RIMS2: variants seen among roughly 807,000 people sequenced by gnomAD.
The protein encoded by RIMS2 is regulating synaptic membrane exocytosis 2.
In RIMS2, 59 loss-of-function variants were observed where a neutral mutation model predicts 174.4. That is an observed-to-expected ratio of 0.34 (90% CI 0.27 to 0.42). The LOEUF is 0.42. RIMS2 is among the 10% of genes least tolerant of loss of function. RIMS2 has a pLI of 1.00. For missense variants in RIMS2, 1,620 were observed against 1,666.3 expected, an observed-to-expected ratio of 0.97 and a Z score of 0.48; for synonymous variants, 606 against 572.5, an observed-to-expected ratio of 1.06 and a Z score of -0.84.
At chr8:103,829,768 C>T (rs911842055) in intron 3 of RIMS2, among the ~76,000 whole-genome samples, 2 of 150,756 alleles carry the variant, frequency 1.3e-5, no homozygotes, top group African/African-American at 4.8e-5. Flanking sequence ...ATGCTCATTA[C>T]ATGGGTGATG....
At chr8:103,995,871 A>G (rs2095060113) in intron 17 of RIMS2, among the ~76,000 whole-genome samples, 2 of 151,964 alleles carry the variant, frequency 1.3e-5, no homozygotes, top group African/African-American at 4.8e-5. Context: ...GAAAAGGTAA[A>G]GGAGAGAAAT....
At chr8:103,992,658 A>T (rs1187338234) in intron 17 of RIMS2, among the ~76,000 whole-genome samples, 1 of 152,174 alleles carries the variant, frequency 6.6e-6, no homozygotes, top group East Asian at 1.9e-4. Context: ...TAGGTAATGT[A>T]AAAATAATTT....
intron 2 of RIMS2, among the ~76,000 whole-genome samples, chr8:103,736,465 A>G (rs1290428849): frequency 6.6e-6 from 1 of 152,194 alleles, no homozygotes; most frequent in African/African-American, 2.4e-5. Context: ...ATTATGAGAA[A>G]TGACTTATTC....
chr8:103,612,368 A>G (rs977475921), intron 1 of RIMS2, among the ~76,000 whole-genome samples: 16 of 152,248 alleles, frequency 1.1e-4, no homozygotes, highest in African/African-American at 3.9e-4. Context: ...GTCTCTGGGC[A>G]TTGAAGAGTT....
intron 3 of RIMS2, among the ~76,000 whole-genome samples, chr8:103,838,711 A>G (rs2154484987): frequency 6.6e-6 from 1 of 152,264 alleles, no homozygotes; most frequent in East Asian, 1.9e-4. Context: ...TTCTACTGTT[A>G]ATCATGTGCA....
intron 19 of RIMS2, among the ~76,000 whole-genome samples, chr8:104,241,496 C>G (rs1466573304): frequency 6.6e-6 from 1 of 152,152 alleles, no homozygotes; most frequent in Non-Finnish European, 1.5e-5. Flanking sequence ...ATGATAGAGT[C>G]AGACCTTAAA....
intron 3 of RIMS2, among the ~76,000 whole-genome samples, chr8:103,863,902 T>G (rs1369379113): frequency 8.3e-6 from 1 of 120,522 alleles, no homozygotes; most frequent in Non-Finnish European, 1.8e-5. Flanking sequence ...TTTTTTTGTT[T>G]TTTTTGTTTG....
chr8:103,960,812 T>C (rs1009708881), intron 14 of RIMS2, among the ~76,000 whole-genome samples: 4 of 152,182 alleles, frequency 2.6e-5, no homozygotes, highest in Non-Finnish European at 5.9e-5. Context: ...CTTTAAACCA[T>C]TTAGGAACTT....
At chr8:103,689,516 A>C (rs749754785) in intron 1 of RIMS2, among the ~76,000 whole-genome samples, 2 of 152,080 alleles carry the variant, frequency 1.3e-5, no homozygotes, top group Non-Finnish European at 2.9e-5. Flanking sequence ...AATAATATTT[A>C]CTTTCAATAT....
intron 19 of RIMS2, among the ~76,000 whole-genome samples, chr8:104,101,962 TA>T (rs1406158563): frequency 6.6e-6 from 1 of 152,222 alleles, no homozygotes; most frequent in Non-Finnish European, 1.5e-5. Context: ...GAGCTTTCTA[TA>T]TGTCCTCCAT....
At chr8:103,641,677 C>T (rs10095742) in intron 1 of RIMS2, among the ~76,000 whole-genome samples, 1,768 of 152,056 alleles carry the variant, frequency 0.012, 34 homozygotes, top group African/African-American at 0.039. Flanking sequence ...TAATGCCATT[C>T]TTGGGGGTGG....
intron 3 of RIMS2, chr8:103,768,409 A>G (rs1330940721): frequency 5.3e-6 from 4 of 750,714 alleles, no homozygotes; most frequent in Non-Finnish European, 9.9e-6. Flanking sequence ...CTCTGGTTGA[A>G]GAATGGAAGG....
At chr8:104,047,259 T>C (rs2154558345) in intron 19 of RIMS2, among the ~76,000 whole-genome samples, 1 of 152,248 alleles carries the variant, frequency 6.6e-6, no homozygotes, top group South Asian at 2.1e-4. Context: ...AGGATGTTAC[T>C]GCTAAATTAT....
At chr8:103,504,550 C>T (rs1822333237) in intron 1 of RIMS2, among the ~76,000 whole-genome samples, 1 of 151,946 alleles carries the variant, frequency 6.6e-6, no homozygotes, top group African/African-American at 2.4e-5. Flanking sequence ...CATATCATAG[C>T]CTTTCAGATA....
intron 8 of RIMS2, 65 bp downstream of exon 11, chr8:103,916,602 C>T (rs751079002): frequency 2.4e-6 from 3 of 1,242,932 alleles, no homozygotes; most frequent in South Asian, 1.7e-5. Context: ...ATGTAATGTG[C>T]CATTTAATAA....
intron 1 of RIMS2, among the ~76,000 whole-genome samples, chr8:103,605,286 G>A (rs979433977): frequency 3.5e-5 from 5 of 143,828 alleles, no homozygotes; most frequent in East Asian, 2.0e-4. Context: ...GGCTCTGTTT[G>A]TATGCTGGAT....
intron 1 of RIMS2, among the ~76,000 whole-genome samples, chr8:103,629,437 C>T (rs1419400506): frequency 1.3e-5 from 2 of 152,102 alleles, no homozygotes; most frequent in African/African-American, 2.4e-5. Flanking sequence ...TGGGGCAGAC[C>T]AGAAGCATGT....
At chr8:103,761,263 T>G (rs928604803) in intron 2 of RIMS2, among the ~76,000 whole-genome samples, 1 of 152,244 alleles carries the variant, frequency 6.6e-6, no homozygotes, top group Non-Finnish European at 1.5e-5. Flanking sequence ...GCCCTGGTAA[T>G]GGATTGTTCT....
intron 1 of RIMS2, among the ~76,000 whole-genome samples, chr8:103,684,403 T>C (rs1451568914): frequency 1.3e-5 from 2 of 152,132 alleles, no homozygotes; most frequent in African/African-American, 4.8e-5. Context: ...ATTAAATTTT[T>C]TTAAGTTTAT....
Sources: allele counts gnomAD v4.1 joint callset (sites outside exome capture counted in the v4.1 genomes callset), GRCh38; gene constraint gnomAD v4.1.1; transcripts MANE v1.5; gene names NCBI Gene and HGNC (gene_info 2026-07-23, HGNC 2026-07-21).